BORCS5: variants seen among roughly 807,000 people sequenced by gnomAD.
BORCS5 encodes the protein BLOC-1-related complex subunit 5.
Under a neutral mutation model 22.1 loss-of-function variants are expected in BORCS5, and 17 were observed. The observed-to-expected ratio is 0.77, with a 90% CI of 0.53 to 1.15. The LOEUF is 1.15. Among genes scored for constraint, BORCS5 ranks in the 50% most tolerant of loss-of-function variants. The pLI is 0.00. For missense variants in BORCS5, 247 were observed against 253.2 expected (o/e 0.98, Z 0.17); for synonymous variants, 117 against 99.8 (o/e 1.17, Z -1.03).
chr12:12,429,731 G>T (rs1942373758), intron 2 of BORCS5, among the ~76,000 whole-genome samples: 1 of 152,308 alleles, frequency 6.6e-6, no homozygotes, highest in East Asian at 1.9e-4. Flanking sequence ...AGAAGTGAGA[G>T]TTTTGTTTTG....
Position 12,470,319 on chromosome 12 carries a change from T to C in BORCS5, c.*4543T>C, listed in dbSNP as rs2909054. Among the ~76,000 whole-genome samples the C allele has an allele frequency of 0.93, 142,059 of 152,134 alleles. 66,773 individuals are homozygous for C. The highest frequency in any genetic ancestry group is 0.99 in the Non-Finnish European group (67,158 of 68,010). ...TCCTGACCTCGTGATCTGCCCGACT[T>C]GGCCTCCCAAAGTACTGGGATTACA... On this transcript the variant is annotated 3_prime_UTR_variant, in exon 4 of 4. Coordinates refer to ENST00000314565, the MANE Select transcript of BORCS5 (RefSeq NM_058169.6).
At chr12:12,394,599 G>C (rs1339347964) in intron 2 of BORCS5, among the ~76,000 whole-genome samples, 1 of 151,834 alleles carries the variant, frequency 6.6e-6, no homozygotes, top group Non-Finnish European at 1.5e-5. Flanking sequence ...AAACTCCTGG[G>C]CTCAAGTGTC....
intron 3 of BORCS5, among the ~76,000 whole-genome samples, chr12:12,455,027 C>G (rs749872326): frequency 6.6e-5 from 10 of 152,074 alleles, no homozygotes; most frequent in Admixed American, 6.6e-4. Context: ...AGCAATATGC[C>G]CATCTTCAAA....
intron 2 of BORCS5, among the ~76,000 whole-genome samples, chr12:12,373,509 A>G (rs879364110): frequency 1.3e-5 from 2 of 152,128 alleles, no homozygotes; most frequent in Non-Finnish European, 2.9e-5. Flanking sequence ...CTGGTTTTCT[A>G]GTTGTTTATT....
In BORCS5 at chr12:12,416,169, T is replaced by G. The variant is rs1344892566; in HGVS notation, c.203-19459T>G. Reference sequence around the variant, plus strand: ...TTTATTCCCATAGAATCGGTATTAATGTACACACTTTCTCGTTTTAGTATT... The same window carrying G: ...TTTATTCCCATAGAATCGGTATTAAGGTACACACTTTCTCGTTTTAGTATT... On this transcript the variant is annotated intron_variant, in intron 2 of 3. Coordinates refer to ENST00000314565, the MANE Select transcript of BORCS5 (RefSeq NM_058169.6). Among the ~76,000 whole-genome samples, 7 of 152,292 alleles carry G rather than the reference T, an allele frequency of 4.6e-5. No individual in the cohort carries two copies. The South Asian group carries it at 1.4e-3, about 32-fold the overall frequency.
At position 12,440,605 on chromosome 12, in the gene BORCS5, G is replaced by GAAAA. The variant is rs11388720; in HGVS notation, c.360+4832_360+4835dup. Among the ~76,000 whole-genome samples, 546 of 139,920 alleles carry GAAAA rather than the reference G, an allele frequency of 3.9e-3. 8 individuals are homozygous for GAAAA. The highest frequency in any genetic ancestry group is 0.013 in the African/African-American group (496 of 37,846). 91.8% of individuals were successfully genotyped at this position (139,920 alleles called of 152,430 possible). A position where few individuals can be genotyped will look rare whatever the true frequency, so the allele number is the denominator to read the frequency against. On this transcript the variant is annotated intron_variant, in intron 3 of 3. Coordinates refer to ENST00000314565, the MANE Select transcript of BORCS5 (RefSeq NM_058169.6). ...CAGACGGGGTTTAAGCTAGGTCTTTGAAAAAAAAAAAAAAACCAGGATTTG... is the reference window on the plus strand; with the variant it reads ...CAGACGGGGTTTAAGCTAGGTCTTTGAAAAAAAAAAAAAAAAAAACCAGGATTTG...
chr12:12,421,081 A>G (rs537661335), intron 2 of BORCS5, among the ~76,000 whole-genome samples: 1 of 152,252 alleles, frequency 6.6e-6, no homozygotes, highest in Admixed American at 6.5e-5. Context: ...AACTTCCAAC[A>G]CTGTGTTGAA....
At chr12:12,449,126 A>G (rs1942852985) in intron 3 of BORCS5, among the ~76,000 whole-genome samples, 1 of 152,176 alleles carries the variant, frequency 6.6e-6, no homozygotes, top group Non-Finnish European at 1.5e-5. Flanking sequence ...CTGTGGTGGT[A>G]CAGAAGGTAG....
intron 3 of BORCS5, chr12:12,452,344 C>A (rs916609225): frequency 2.9e-6 from 2 of 695,310 alleles, no homozygotes; most frequent in African/African-American, 1.8e-5. Context: ...TATTGTGAAC[C>A]GTGTCTACAT....
At chr12:12,376,663 A>G (rs991498410) in intron 2 of BORCS5, among the ~76,000 whole-genome samples, 2 of 152,254 alleles carry the variant, frequency 1.3e-5, no homozygotes, top group Admixed American at 6.5e-5. Flanking sequence ...AATAAATCCA[A>G]CAGAGAGTTA....
At chr12:12,421,586 C>T (rs1007166212) in intron 2 of BORCS5, among the ~76,000 whole-genome samples, 2 of 152,268 alleles carry the variant, frequency 1.3e-5, no homozygotes, top group East Asian at 3.9e-4. Flanking sequence ...AGGGAGGATT[C>T]CCTCTTTTTC....
intron 3 of BORCS5, among the ~76,000 whole-genome samples, chr12:12,438,168 C>T (rs1267895970): frequency 3.3e-5 from 5 of 151,886 alleles, no homozygotes; most frequent in Non-Finnish European, 5.9e-5. Flanking sequence ...CAAGACCAGC[C>T]TGGCCAACAT....
chr12:12,426,642 G>A (rs976274599), intron 2 of BORCS5, among the ~76,000 whole-genome samples: 4 of 152,306 alleles, frequency 2.6e-5, no homozygotes, highest in Middle Eastern at 6.8e-3. Context: ...TGAGACTTAA[G>A]AAATGCAAGA....
chr12:12,382,304 A>G (rs1863790584), intron 2 of BORCS5, among the ~76,000 whole-genome samples: 1 of 151,068 alleles, frequency 6.6e-6, no homozygotes, highest in Admixed American at 6.6e-5. Flanking sequence ...GGGAGGTGCC[A>G]CACTCCTTTA....
intron 2 of BORCS5, among the ~76,000 whole-genome samples, chr12:12,385,298 A>G (rs1035555611): frequency 6.6e-6 from 1 of 151,346 alleles, no homozygotes; most frequent in East Asian, 1.9e-4. Flanking sequence ...CCACTTGCCC[A>G]TCTCTGAGAT....
chr12:12,450,468 T>G (rs2136145359), intron 3 of BORCS5, among the ~76,000 whole-genome samples: 1 of 152,334 alleles, frequency 6.6e-6, no homozygotes, highest in African/African-American at 2.4e-5. Context: ...CTCCTCTCAG[T>G]TTTTGTTTTG....
At chr12:12,371,891 G>C (rs1156841229) in intron 2 of BORCS5, among the ~76,000 whole-genome samples, 1 of 151,912 alleles carries the variant, frequency 6.6e-6, no homozygotes, top group Non-Finnish European at 1.5e-5. Context: ...TGTCATGTCT[G>C]TACTGCTTTT....
chr12:12,439,347 G>A (rs1942631729), intron 3 of BORCS5, among the ~76,000 whole-genome samples: 1 of 152,190 alleles, frequency 6.6e-6, no homozygotes, highest in South Asian at 2.1e-4. Context: ...AACTGACTTT[G>A]GCGGGCGACA....
chr12:12,437,888 G>C (rs577817829), intron 3 of BORCS5, among the ~76,000 whole-genome samples: 1 of 152,014 alleles, frequency 6.6e-6, no homozygotes, highest in Non-Finnish European at 1.5e-5. Flanking sequence ...TCAGCTTCCT[G>C]AGTAGCTTAG....
Sources: gnomAD v4.1 joint callset for allele counts (sites outside exome capture counted in the v4.1 genomes callset) on GRCh38, gnomAD v4.1.1 for gene constraint, MANE v1.5 for transcripts, NCBI Gene and HGNC (gene_info 2026-07-23, HGNC 2026-07-21) for gene names.